The following PRSS23 variants were observed in gnomAD, a reference collection of about 807,000 sequenced individuals.
The protein encoded by PRSS23 is protease, serine 23.
Under a neutral mutation model 34.7 loss-of-function variants are expected in PRSS23, and 25 were observed. The observed-to-expected ratio is 0.72, with a 90% CI of 0.53 to 1.01. The LOEUF is 1.01. Among genes scored for constraint, PRSS23 ranks in the 50% least tolerant of loss-of-function variants. The pLI is 0.00. For synonymous variants in PRSS23, 176 were observed against 186.6 expected (o/e 0.94, Z 0.46); for missense variants, 445 against 475.6 (o/e 0.94, Z 0.60).
At chr11:86,903,021 C>G (rs986147179) in intron 2 of PRSS23, among the ~76,000 whole-genome samples, 2 of 152,260 alleles carry the variant, frequency 1.3e-5, no homozygotes, top group Admixed American at 6.5e-5. Context: ...CAGGACCTTA[C>G]CTGTCCTGGA....
intron 2 of PRSS23, among the ~76,000 whole-genome samples, chr11:86,883,905 G>A (rs550307147): frequency 6.6e-6 from 1 of 152,110 alleles, no homozygotes; most frequent in African/African-American, 2.4e-5. Flanking sequence ...TGCTTCCTAA[G>A]CACCTCAAAT....
chr11:86,914,788 C>T (rs893298155), intron 2 of PRSS23, among the ~76,000 whole-genome samples: 59 of 152,276 alleles, frequency 3.9e-4, no homozygotes, highest in Non-Finnish European at 4.0e-4. Flanking sequence ...GTCAATTAAA[C>T]TGTTCCAAGT....
At position 86,908,465 on chromosome 11, in the gene PRSS23, A is replaced by G. The variant is rs1379059156; in HGVS notation, c.207-42751A>G. On this transcript the variant is annotated intron_variant, in intron 2 of 2. Transcript: ENST00000533902. The stretch of plus-strand genomic sequence containing the variant: ...CAGTTTACTCCTACAGATTGATCCC[A>G]GGGAGGAACAGGAGGAAATAAGAAA... Among the ~76,000 whole-genome samples, 2 of 152,344 alleles carry G rather than the reference A, an allele frequency of 1.3e-5. 1 individual carries two copies. The highest frequency in any genetic ancestry group is 6.8e-3 in the Middle Eastern group (2 of 294).
At chr11:86,847,874 G>A (rs1444227363) in intron 2 of PRSS23, among the ~76,000 whole-genome samples, 2 of 152,032 alleles carry the variant, frequency 1.3e-5, no homozygotes, top group Non-Finnish European at 2.9e-5. Context: ...TGACAATACT[G>A]CCCTGTGCCA....
intron 2 of PRSS23, among the ~76,000 whole-genome samples, chr11:86,838,050 T>C (rs535168112): frequency 1.8e-4 from 27 of 151,862 alleles, no homozygotes; most frequent in African/African-American, 5.6e-4. Flanking sequence ...CGTGACAGAC[T>C]GTATCTGAAG....
intron 2 of PRSS23, among the ~76,000 whole-genome samples, chr11:86,908,514 C>A (rs1948957863): frequency 6.6e-6 from 1 of 152,164 alleles, no homozygotes; most frequent in Admixed American, 6.5e-5. Flanking sequence ...TCCCAGAAAC[C>A]TGCTGCTTCC....
chr11:86,814,485 A>G (rs1316028648), downstream of PRSS23, among the ~76,000 whole-genome samples: 1 of 152,300 alleles, frequency 6.6e-6, no homozygotes, highest in East Asian at 1.9e-4. Flanking sequence ...AGGTTGAGGA[A>G]GTGAGAGACA....
chr11:86,950,882 A>T, intron 2 of PRSS23: 1 of 544,636 alleles, frequency 1.8e-6, no homozygotes, highest in Non-Finnish European at 3.3e-6. Flanking sequence ...AACCTGCTAA[A>T]GTGATCAACG....
chr11:86,907,528 C>T (rs1241262361), intron 2 of PRSS23, among the ~76,000 whole-genome samples: 3 of 152,042 alleles, frequency 2.0e-5, no homozygotes, highest in Admixed American at 1.3e-4. Context: ...GCACACTGTG[C>T]CATCATGGCT....
rs113385690 is a variant in PRSS23 at position 86,919,329 on chromosome 11, G to A, written c.207-31887G>A. 4.6e-3 allele frequency among the ~76,000 whole-genome samples: 701 copies of A among 152,318 alleles called. 5 individuals are homozygous for A. Among genetic ancestry groups the A allele is most frequent in the African/African-American group, 0.016 (676 of 41,564 alleles). ...TCCTTTACCTGATACTTTTCTATTC[G>A]GGTATTCAAGCCTGCCACAGACGGA... On this transcript the variant is annotated intron_variant, in intron 2 of 2. Transcript: ENST00000533902.
At chr11:86,846,139 A>G (rs529092102) in intron 2 of PRSS23, among the ~76,000 whole-genome samples, 1 of 152,040 alleles carries the variant, frequency 6.6e-6, no homozygotes, top group South Asian at 2.1e-4. Context: ...AAAGCCTACA[A>G]CTTTTTCTCT....
intron 2 of PRSS23, chr11:86,857,600 A>T (rs1948581007): frequency 2.0e-6 from 1 of 509,634 alleles, no homozygotes; most frequent in Non-Finnish European, 4.0e-6. Context: ...GTGAGGATTC[A>T]TGATGACTCG....
intron 2 of PRSS23, among the ~76,000 whole-genome samples, chr11:86,864,940 C>T (rs1013832161): frequency 1.3e-5 from 2 of 152,218 alleles, no homozygotes; most frequent in Non-Finnish European, 1.5e-5. Context: ...TAGAAGGACA[C>T]TGTGATTGCT....
chr11:86,816,382 C>T (rs1948215391), intron 1 of PRSS23, among the ~76,000 whole-genome samples: 1 of 152,168 alleles, frequency 6.6e-6, no homozygotes, highest in Non-Finnish European at 1.5e-5. Flanking sequence ...GCTCTACCTC[C>T]CAGAGTGATG....
At chr11:86,912,457 AT>A (rs1281654047) in intron 2 of PRSS23, among the ~76,000 whole-genome samples, 7 of 151,644 alleles carry the variant, frequency 4.6e-5, no homozygotes, top group African/African-American at 1.5e-4. Flanking sequence ...GGCTCTGTTC[AT>A]TTTTTTTCCA....
intron 2 of PRSS23, among the ~76,000 whole-genome samples, chr11:86,824,361 A>AAAATAAAATAAAATAAAATAAAATAAAAT (rs1193672467): frequency 1.9e-4 from 28 of 149,268 alleles, no homozygotes; most frequent in African/African-American, 6.8e-4. Flanking sequence ...AAAATAAAAT[A>AAAATAAAATAAAATAAAATAAAATAAAAT]AAATAAAATA....
chr11:86,867,874 C>CAAAAAAAAAAAAAAAAAAAAAAAAAA (rs11352878), intron 2 of PRSS23, among the ~76,000 whole-genome samples: 1 of 118,334 alleles, frequency 8.5e-6, no homozygotes, highest in Non-Finnish European at 1.7e-5. Context: ...GACCCTACCT[C>CAAAAAAAAAAAAAAAAAAAAAAAAAA]AAAAAAAAAA....
chr11:86,863,913 G>A (rs1452526393), intron 2 of PRSS23, among the ~76,000 whole-genome samples: 4 of 152,164 alleles, frequency 2.6e-5, no homozygotes, highest in Non-Finnish European at 4.4e-5. Context: ...ACAAATGAAG[G>A]GGTTACCTTC....
Position 86,795,357 on chromosome 11 carries a change from T to C in PRSS23, c.-14+4162T>C, listed in dbSNP as rs548087099. Among the ~76,000 whole-genome samples, 4 of 152,344 alleles carry C rather than the reference T, an allele frequency of 2.6e-5. No homozygotes were observed. In the South Asian group the frequency reaches 8.3e-4, roughly 32 times the overall value. On this transcript the variant is annotated intron_variant, in intron 1 of 1. Transcript: ENST00000527521. ...CAACACCCCTAAATCAGTCTCATTG[T>C]GCAGATGAGAAAAGTGAGGCACAGA...
Sources: allele counts gnomAD v4.1 joint callset (sites outside exome capture counted in the v4.1 genomes callset), GRCh38; gene constraint gnomAD v4.1.1; transcripts MANE v1.5; gene names NCBI Gene and HGNC (gene_info 2026-07-23, HGNC 2026-07-21).